The following INPP4B variants were observed in gnomAD, a reference collection of about 807,000 sequenced individuals.
The protein encoded by INPP4B is inositol polyphosphate-4-phosphatase type II B.
A neutral mutation model predicts 122.5 loss-of-function variants in INPP4B; 55 were observed. The observed-to-expected ratio is 0.45, with a 90% CI of 0.36 to 0.56. The LOEUF (loss-of-function observed/expected upper bound fraction) is 0.56, where lower values mean the gene tolerates loss of function less well. Ranked by LOEUF, INPP4B falls within the 20% of genes least tolerant of loss-of-function variation. The pLI is 0.00. For synonymous variants in INPP4B, 403 were observed against 388.7 expected (o/e 1.04, Z -0.43); for missense variants, 1,000 against 1,097.7 (o/e 0.91, Z 1.26).
At chr4:142,397,990 A>G (rs1202417338) in intron 7 of INPP4B, among the ~76,000 whole-genome samples, 2 of 152,094 alleles carry the variant, frequency 1.3e-5, no homozygotes, top group Admixed American at 6.5e-5. Flanking sequence ...AGGATTTCAG[A>G]CTCGGCCTCC....
At chr4:142,625,830 A>G (rs1327514406) in intron 2 of INPP4B, among the ~76,000 whole-genome samples, 1 of 152,184 alleles carries the variant, frequency 6.6e-6, no homozygotes, top group African/African-American at 2.4e-5. Flanking sequence ...ATAATGCCGC[A>G]TACCTACAAC....
intron 18 of INPP4B, among the ~76,000 whole-genome samples, chr4:142,136,356 AC>A (rs2152808947): frequency 6.6e-6 from 1 of 152,360 alleles, no homozygotes; most frequent in Non-Finnish European, 1.5e-5. Flanking sequence ...GACTTCACTG[AC>A]AAAACACAAA....
chr4:142,728,552 C>T (rs1765630813), intron 1 of INPP4B, among the ~76,000 whole-genome samples: 1 of 151,978 alleles, frequency 6.6e-6, no homozygotes, highest in Non-Finnish European at 1.5e-5. Context: ...TGACTGGCAA[C>T]CTTATAAGAA....
intron 1 of INPP4B, among the ~76,000 whole-genome samples, chr4:142,818,961 G>A (rs757315646): frequency 2.6e-5 from 4 of 152,074 alleles, no homozygotes; most frequent in Non-Finnish European, 5.9e-5. Flanking sequence ...TTCCAATTTG[G>A]TTTATTGCCT....
At chr4:142,542,967 A>G (rs1386594252) in intron 2 of INPP4B, among the ~76,000 whole-genome samples, 1 of 152,168 alleles carries the variant, frequency 6.6e-6, no homozygotes, top group East Asian at 1.9e-4. Context: ...GTTCAGAGAA[A>G]GAAAAAAAAT....
At chr4:142,453,044 GT>G (rs1464663366) in intron 3 of INPP4B, among the ~76,000 whole-genome samples, 6 of 152,114 alleles carry the variant, frequency 3.9e-5, no homozygotes, top group African/African-American at 1.4e-4. Flanking sequence ...AAGGTGACAG[GT>G]TTTTTTCTGA....
At chr4:142,344,813 G>A (rs1779797358) in intron 7 of INPP4B, among the ~76,000 whole-genome samples, 1 of 151,922 alleles carries the variant, frequency 6.6e-6, no homozygotes, top group African/African-American at 2.4e-5. Context: ...AAGCCCTCAT[G>A]ACACAAGTTT....
chr4:142,306,178 T>A (rs907404080), intron 8 of INPP4B, among the ~76,000 whole-genome samples: 2 of 151,900 alleles, frequency 1.3e-5, no homozygotes, highest in Non-Finnish European at 2.9e-5. Context: ...GACCTATGAA[T>A]ATCTGCTTTC....
At chr4:142,204,394 A>G (rs992084358) in intron 14 of INPP4B, among the ~76,000 whole-genome samples, 3 of 152,052 alleles carry the variant, frequency 2.0e-5, no homozygotes, top group Non-Finnish European at 1.5e-5. Flanking sequence ...AAAGACCAGA[A>G]CCAGTCTTTC....
intron 2 of INPP4B, among the ~76,000 whole-genome samples, chr4:142,620,682 G>A (rs1387946845): frequency 6.6e-6 from 1 of 151,688 alleles, no homozygotes; most frequent in Non-Finnish European, 1.5e-5. Context: ...AAAGATATGA[G>A]TATTAAAAAT....
At chr4:142,649,308 T>C (rs1414203980) in intron 2 of INPP4B, among the ~76,000 whole-genome samples, 2 of 152,174 alleles carry the variant, frequency 1.3e-5, no homozygotes, top group African/African-American at 4.8e-5. Flanking sequence ...CCAGAGTGCC[T>C]CTTCTCCTCC....
At chr4:142,217,485 C>G (rs954731568) in intron 12 of INPP4B, among the ~76,000 whole-genome samples, 5 of 152,148 alleles carry the variant, frequency 3.3e-5, no homozygotes, top group Admixed American at 6.5e-5. Flanking sequence ...GAGTATAGTG[C>G]TAAGCTCTGC....
intron 2 of INPP4B, among the ~76,000 whole-genome samples, chr4:142,580,104 T>C (rs1199540944): frequency 1.3e-5 from 2 of 150,972 alleles, no homozygotes; most frequent in Non-Finnish European, 3.0e-5. Flanking sequence ...CAGCTCTTTT[T>C]GATGCCATCT....
chr4:142,721,594 G>A (rs868289994), intron 2 of INPP4B, among the ~76,000 whole-genome samples: 3 of 152,050 alleles, frequency 2.0e-5, no homozygotes, highest in South Asian at 2.1e-4. Context: ...AGGCCGAGGC[G>A]GGTGGATCAT....
chr4:142,067,920 C>T (rs1290125906), intron 25 of INPP4B, among the ~76,000 whole-genome samples: 1 of 152,078 alleles, frequency 6.6e-6, no homozygotes, highest in Non-Finnish European at 1.5e-5. Context: ...GGATATTATC[C>T]AGGAGAACTT....
At chr4:142,795,981 CTAATA>C (rs557840775) in intron 1 of INPP4B, among the ~76,000 whole-genome samples, 116 of 151,970 alleles carry the variant, frequency 7.6e-4, no homozygotes, top group Non-Finnish European at 1.3e-3. Context: ...AGAATATTAT[CTAATA>C]TGAGAAAAAT....
chr4:142,564,480 A>AAGAAAGAAAGAAAG (rs1553960111), intron 2 of INPP4B, among the ~76,000 whole-genome samples: 23 of 149,848 alleles, frequency 1.5e-4, no homozygotes, highest in South Asian at 2.1e-4. Flanking sequence ...AGAAAGAAAA[A>AAGAAAGAAAGAAAG]AAAGAAACTC....
intron 7 of INPP4B, among the ~76,000 whole-genome samples, chr4:142,378,772 G>A (rs1395401922): frequency 6.6e-6 from 1 of 152,074 alleles, no homozygotes; most frequent in East Asian, 1.9e-4. Flanking sequence ...ATCACTCAAT[G>A]CACATGCTTA....
chr4:142,579,221 G>A (rs1001729735), intron 2 of INPP4B, among the ~76,000 whole-genome samples: 8 of 151,976 alleles, frequency 5.3e-5, no homozygotes, highest in Non-Finnish European at 8.8e-5. Flanking sequence ...TTTGTAATGT[G>A]AGTTATAAAA....
Sources: gnomAD v4.1 joint callset for allele counts (sites outside exome capture counted in the v4.1 genomes callset) on GRCh38, gnomAD v4.1.1 for gene constraint, MANE v1.5 for transcripts, NCBI Gene and HGNC (gene_info 2026-07-23, HGNC 2026-07-21) for gene names.